The following ARHGAP42 variants were observed in gnomAD, a reference collection of about 807,000 sequenced individuals.
ARHGAP42 encodes Rho GTPase activating protein 42, also known as rho GTPase-activating protein 42.
ARHGAP42 carries 63 observed loss-of-function variants against 125.0 expected under a neutral mutation model. The ratio of observed to expected loss-of-function variants is 0.50; its 90% CI spans 0.41 to 0.62. The LOEUF (loss-of-function observed/expected upper bound fraction) is 0.62, where lower values mean the gene tolerates loss of function less well. Among genes scored for constraint, ARHGAP42 ranks in the 20% least tolerant of loss-of-function variants. ARHGAP42 has a pLI of 0.00. For missense variants in ARHGAP42, 766 were observed against 1,024.2 expected (o/e 0.75, Z 3.44); for synonymous variants, 339 against 351.0 (o/e 0.97, Z 0.38).
intron 1 of ARHGAP42, among the ~76,000 whole-genome samples, chr11:100,706,188 A>AT (rs1464574180): frequency 6.6e-6 from 1 of 152,008 alleles, no homozygotes; most frequent in African/African-American, 2.4e-5. Context: ...AGATTTTGTG[A>AT]TTTTGTAAAT....
At chr11:100,947,398 G>C (rs536270) in intron 10 of ARHGAP42, among the ~76,000 whole-genome samples, 133,979 of 151,850 alleles carry the variant, frequency 0.88, 59,195 homozygotes, top group East Asian at 1. Context: ...TTAATGCTTT[G>C]TCTTAACACA....
chr11:100,761,882 T>G (rs2134973973), intron 1 of ARHGAP42, among the ~76,000 whole-genome samples: 1 of 152,350 alleles, frequency 6.6e-6, no homozygotes. Flanking sequence ...TTATGTAATA[T>G]TCATGACAGT....
At chr11:100,701,356 A>G (rs1861393208) in intron 1 of ARHGAP42, among the ~76,000 whole-genome samples, 1 of 152,182 alleles carries the variant, frequency 6.6e-6, no homozygotes, top group Non-Finnish European at 1.5e-5. Flanking sequence ...TCCTAACAAG[A>G]GAGTCAGCCT....
intron 4 of ARHGAP42, among the ~76,000 whole-genome samples, chr11:100,906,250 A>C (rs1047139296): frequency 5.3e-5 from 8 of 152,178 alleles, no homozygotes; most frequent in South Asian, 2.1e-4. Context: ...GAAGCAGTAG[A>C]ATTTTTGAGG....
chr11:100,943,473 A>G (rs1867935216), intron 9 of ARHGAP42, among the ~76,000 whole-genome samples: 1 of 152,148 alleles, frequency 6.6e-6, no homozygotes, highest in South Asian at 2.1e-4. Context: ...GAGGGATTGT[A>G]CATTATAGTA....
chr11:100,784,725 A>G (rs986514320), intron 2 of ARHGAP42, among the ~76,000 whole-genome samples: 1 of 152,234 alleles, frequency 6.6e-6, no homozygotes, highest in South Asian at 2.1e-4. Flanking sequence ...TAAATTTAGG[A>G]TGAATGGATG....
intron 4 of ARHGAP42, among the ~76,000 whole-genome samples, chr11:100,879,550 C>G (rs995679080): frequency 2.0e-5 from 3 of 152,200 alleles, no homozygotes; most frequent in Non-Finnish European, 4.4e-5. Context: ...CTGTGGGTTT[C>G]TCTTGGGACA....
chr11:100,821,376 A>C (rs866441833), intron 3 of ARHGAP42, among the ~76,000 whole-genome samples: 1 of 152,050 alleles, frequency 6.6e-6, no homozygotes, highest in African/African-American at 2.4e-5. Context: ...TATAGTTTGG[A>C]AATGCCCTCT....
At chr11:100,837,038 T>C (rs1008157951) in intron 3 of ARHGAP42, among the ~76,000 whole-genome samples, 3 of 152,102 alleles carry the variant, frequency 2.0e-5, no homozygotes, top group Non-Finnish European at 4.4e-5. Context: ...CATTAGTAGT[T>C]GCTAAAATAT....
chr11:100,698,448 G>A lies in ARHGAP42; in HGVS notation c.154+10616G>A, dbSNP rs548335044. ...ATCACGCCACTGTACTCCAGCCTGGGCCACAGAGCGAGACCCTGTCTTAAA... is the reference window on the plus strand; with the variant it reads ...ATCACGCCACTGTACTCCAGCCTGGACCACAGAGCGAGACCCTGTCTTAAA... On this transcript the variant is annotated intron_variant, in intron 1 of 23. Transcript: ENST00000298815. 6.6e-5 allele frequency among the ~76,000 whole-genome samples: 10 copies of A among 152,262 alleles called. No homozygotes were observed. In the East Asian group the frequency reaches 1.7e-3, roughly 26 times the overall value.
chr11:100,779,331 G>C (rs182099799), intron 2 of ARHGAP42, among the ~76,000 whole-genome samples: 1 of 150,672 alleles, frequency 6.6e-6, no homozygotes, highest in African/African-American at 2.4e-5. Context: ...TGTAATCCCA[G>C]CTACTCGAGA....
At chr11:100,856,747 A>C (rs924842666) in intron 3 of ARHGAP42, among the ~76,000 whole-genome samples, 29 of 152,234 alleles carry the variant, frequency 1.9e-4, no homozygotes, top group African/African-American at 6.7e-4. Flanking sequence ...AAACTATAAG[A>C]CTGCTTAGGA....
chr11:100,874,107 G>C (rs1289752260), intron 4 of ARHGAP42, among the ~76,000 whole-genome samples: 2 of 152,212 alleles, frequency 1.3e-5, no homozygotes, highest in African/African-American at 4.8e-5. Context: ...GCATGGCACT[G>C]GCTTCTCCCA....
intron 15 of ARHGAP42, 121 bp downstream of exon 15, chr11:100,961,889 C>A: frequency 1.4e-6 from 1 of 697,376 alleles, no homozygotes; most frequent in Non-Finnish European, 2.4e-6. Context: ...AGTTCCCTTA[C>A]ATAAGGTGAA....
At chr11:100,875,105 CTCTG>C (rs1411974449) in intron 4 of ARHGAP42, among the ~76,000 whole-genome samples, 205 of 49,254 alleles carry the variant, frequency 4.2e-3, no homozygotes, top group African/African-American at 9.6e-3. Flanking sequence ...CTCTCTCTCT[CTCTG>C]TGTGTGTGTG....
In ARHGAP42 at chr11:100,992,779, A is replaced by G. The variant is rs1287035715; in HGVS notation, c.*3978A>G. On this transcript the variant is annotated 3_prime_UTR_variant, in exon 24 of 24. Transcript: ENST00000298815. Reference sequence around the variant, plus strand: ...GCTGCCCTCACTGTTTTAAATAAAGAATCTTACATAAGAATGTTGACAACA... The same window carrying G: ...GCTGCCCTCACTGTTTTAAATAAAGGATCTTACATAAGAATGTTGACAACA... 2 of 1,439,706 alleles carry G rather than the reference A, an allele frequency of 1.4e-6. No individual in the cohort carries two copies. The highest frequency in any genetic ancestry group is 1.9e-6 in the Non-Finnish European group (2 of 1,066,182). The allele number at this position is 1,439,706 out of a possible 1,614,324, so 89.2% of individuals were successfully genotyped here.
At chr11:100,929,136 G>A (rs1047133057) in intron 6 of ARHGAP42, among the ~76,000 whole-genome samples, 1 of 152,114 alleles carries the variant, frequency 6.6e-6, no homozygotes, top group African/African-American at 2.4e-5. Flanking sequence ...TGGTGAGGAG[G>A]GAAGGGTTTC....
chr11:100,708,243 G>T (rs1462878928), intron 1 of ARHGAP42, among the ~76,000 whole-genome samples: 1 of 152,166 alleles, frequency 6.6e-6, no homozygotes, highest in Non-Finnish European at 1.5e-5. Flanking sequence ...TGGGCGTGGT[G>T]GCTCACACCT....
chr11:100,862,121 G>A (rs1865457495), intron 4 of ARHGAP42, among the ~76,000 whole-genome samples: 1 of 152,104 alleles, frequency 6.6e-6, no homozygotes, highest in South Asian at 2.1e-4. Flanking sequence ...GTGAAAATCT[G>A]TGACCTAATT....
Sources: allele counts gnomAD v4.1 joint callset (sites outside exome capture counted in the v4.1 genomes callset), GRCh38; gene constraint gnomAD v4.1.1; transcripts MANE v1.5; gene names NCBI Gene and HGNC (gene_info 2026-07-23, HGNC 2026-07-21).